SLC34A1: variants seen among roughly 807,000 people sequenced by gnomAD.
The protein encoded by SLC34A1 is solute carrier family 34 member 1.
Under a neutral mutation model 51.4 loss-of-function variants are expected in SLC34A1, and 57 were observed. The ratio of observed to expected loss-of-function variants is 1.11; its 90% CI spans 0.90 to 1.38. The LOEUF (loss-of-function observed/expected upper bound fraction) is 1.38, where lower values mean the gene tolerates loss of function less well. SLC34A1 is among the 40% of genes most tolerant of loss of function. The pLI, the probability that SLC34A1 is intolerant of heterozygous loss-of-function variation, is 0.00. For missense variants in SLC34A1, 796 were observed against 835.6 expected (o/e 0.95, Z 0.58); for synonymous variants, 368 against 358.0 (o/e 1.03, Z -0.32).
intron 12 of SLC34A1, 137 bp downstream of exon 12, chr5:177,397,211 T>C (rs1762999972): frequency 8.5e-7 from 1 of 1,183,264 alleles, no homozygotes; most frequent in Non-Finnish European, 1.2e-6. Context: ...ATGAAACCAT[T>C]ATGGGCAAAG....
At chr5:177,385,507 T>C (rs891069335) in intron 1 of SLC34A1, among the ~76,000 whole-genome samples, 188 bp from the exon 2 acceptor site, 2 of 150,706 alleles carry the variant, frequency 1.3e-5, no homozygotes, top group South Asian at 2.1e-4. Context: ...AGGGCTGTGG[T>C]GGTGATGATG....
At position 177,391,524 on chromosome 5, in the gene SLC34A1, C is replaced by T. The variant is rs150942144; in HGVS notation, c.937-2170C>T. ...GTCAGTGGGGCACACGTTGACCAGG[C>T]ACCTACTCATTCAAGGGGTTGTCTG... On this transcript the variant is annotated intron_variant, in intron 8 of 12. Transcript: ENST00000324417. 7.9e-5 allele frequency among the ~76,000 whole-genome samples: 12 copies of T among 152,326 alleles called. 1 individual carries two copies. The East Asian group carries it at 2.1e-3, about 27-fold the overall frequency.
rs760748843 is a variant in SLC34A1, at chr5:177,394,175, T to C, written c.1154T>C (p.Ile385Thr). The C allele has an allele frequency of 5.6e-6, 9 of 1,613,866 alleles. No individual in the cohort carries two copies. Among genetic ancestry groups the C allele is most frequent in the Non-Finnish European group, 7.6e-6 (9 of 1,180,024 alleles). The change falls in exon 10 of 13, where the codon ATC (isoleucine) becomes ACC (threonine). Residue 385 changes from isoleucine (I) to threonine (T), a missense_variant. Transcript: ENST00000324417. ...CTCAAGGGCCAAGTGGCCAAGGTCA[T>C]CCAGAAGGTCATCAATACGGGTGAG... ...SLLKGQVAKV[I>T]QKVINTDFPA...
At chr5:177,385,657 T>C (rs1312972226) in intron 1 of SLC34A1, 38 bp from the exon 2 acceptor site, 1 of 955,244 alleles carries the variant, frequency 1.0e-6, no homozygotes, top group Non-Finnish European at 1.7e-6. Context: ...TGAGGGTGTG[T>C]GGGCATGAGT....
intron 8 of SLC34A1, chr5:177,390,657 G>A (rs1762770558): frequency 6.6e-6 from 1 of 152,584 alleles, no homozygotes; most frequent in Non-Finnish European, 1.5e-5. Context: ...GCTCTAAGGA[G>A]AAGTTCTCCT....
At position 177,387,755 on chromosome 5, in the gene SLC34A1, C is replaced by T. The variant is rs1408314207; in HGVS notation, c.533-7C>T. On this transcript the variant is annotated splice_polypyrimidine_tract_variant and splice_region_variant and intron_variant, in intron 5 of 12. Coordinates refer to ENST00000324417, the MANE Select transcript of SLC34A1 (RefSeq NM_003052.5). Reference sequence around the variant, plus strand: ...CAAATTCATTAGGACGTCTTCTCTTCTACCAGTGCTGGAGGTGAGCTCTGC... The same window carrying T: ...CAAATTCATTAGGACGTCTTCTCTTTTACCAGTGCTGGAGGTGAGCTCTGC... 6.2e-7 allele frequency: 1 copy of T among 1,611,324 alleles called. No individual in the cohort carries two copies. The highest frequency in any genetic ancestry group is 1.7e-5 in the Admixed American group (1 of 60,022).
intron 9 of SLC34A1, 82 bp downstream of exon 9, chr5:177,393,845 T>C (rs1448290956): frequency 4.6e-6 from 7 of 1,514,308 alleles, no homozygotes; most frequent in Non-Finnish European, 6.4e-6. Context: ...ACAGCCACTA[T>C]TGTGTCCAGC....
At chr5:177,394,623 G>A (rs1030271623) in intron 10 of SLC34A1, among the ~76,000 whole-genome samples, 1 of 151,420 alleles carries the variant, frequency 6.6e-6, no homozygotes, top group Non-Finnish European at 1.5e-5. Flanking sequence ...TTGGGAGGCT[G>A]AAGCAGCAGG....
intron 8 of SLC34A1, chr5:177,390,301 G>A (rs899548181): frequency 3.7e-5 from 37 of 987,176 alleles, no homozygotes; most frequent in African/African-American, 5.2e-5. Flanking sequence ...CCCTGACACC[G>A]TCCTGGGAAT....
chr5:177,385,797 G>A lies in SLC34A1; in HGVS notation c.56G>A (p.Arg19His), dbSNP rs765766600. The A allele has an allele frequency of 1.2e-4, 200 of 1,613,218 alleles. No individual in the cohort carries two copies. The Middle Eastern group carries it at 2.3e-3, about 19-fold the overall frequency. The change falls in exon 2 of 13, where the codon CGT (arginine) becomes CAT (histidine). Residue 19 changes from arginine (R) to histidine (H), a missense_variant. Physicochemically the swap from Arg to His is conservative, Grantham distance 29. Transcript: ENST00000324417. ...GSPAVSPLPVRGGHVMRGTAF... is the reference protein window; with the variant it reads ...GSPAVSPLPVHGGHVMRGTAF... Reference sequence around the variant, plus strand: ...CCTGCTGTCTCCCCACTCCCAGTCCGTGGGGGGCATGTGATGCGAGGGACG... The same window carrying A: ...CCTGCTGTCTCCCCACTCCCAGTCCATGGGGGGCATGTGATGCGAGGGACG...
intron 8 of SLC34A1, chr5:177,390,285 C>T: frequency 1.0e-6 from 1 of 988,428 alleles, no homozygotes; most frequent in African/African-American, 1.7e-5. Flanking sequence ...CTTGAGTCTC[C>T]CGGGACCCTG....
intron 8 of SLC34A1, among the ~76,000 whole-genome samples, chr5:177,392,274 C>T (rs776376930): frequency 6.6e-6 from 1 of 152,132 alleles, no homozygotes; most frequent in Non-Finnish European, 1.5e-5. Context: ...TCAGCCTGGC[C>T]AACATGGCGA....
At position 177,386,627 on chromosome 5, in the gene SLC34A1, T is replaced by C; in HGVS notation, c.532+61T>C. Reference sequence around the variant, plus strand: ...GGGGCACCCCAGGAGCTGGGAAGGGTGGCAAATGGGGAGCGTGACCCCAGT... The same window carrying C: ...GGGGCACCCCAGGAGCTGGGAAGGGCGGCAAATGGGGAGCGTGACCCCAGT... On this transcript the variant is annotated intron_variant, in intron 5 of 12. Transcript: ENST00000324417. The surrounding 1 kb of genome is among the most constrained non-coding windows in gnomAD (Gnocchi z 4.8). The C allele has an allele frequency of 6.2e-7, 1 of 1,600,680 alleles. No homozygotes were observed. The highest frequency in any genetic ancestry group is 8.5e-7 in the Non-Finnish European group (1 of 1,172,312).
Position 177,394,236 on chromosome 5 carries a change from G to T in SLC34A1, c.1174+41G>T, listed in dbSNP as rs6556315. ...TTGACTGGGCAGGGCCACAGGATGG[G>T]CCTTTCCAGATCCTGCTAAGTCCTG... On this transcript the variant is annotated intron_variant, in intron 10 of 12. Transcript: ENST00000324417. 7,095 of 1,602,730 alleles carry T rather than the reference G, an allele frequency of 4.4e-3. 265 individuals are homozygous for T. In the African/African-American group the frequency reaches 0.085, roughly 19 times the overall value.
In SLC34A1 at chr5:177,396,434, G is replaced by GCTCTCCCAGTGCCCCCGCGGAGGTCCA. The variant is rs1762959240; in HGVS notation, c.1175-273_1175-272insACTCTCCCAGTGCCCCCGCGGAGGTCC. On this transcript the variant is annotated intron_variant, in intron 10 of 12. Coordinates refer to ENST00000324417, the MANE Select transcript of SLC34A1 (RefSeq NM_003052.5). The surrounding 1 kb of genome is among the most constrained non-coding windows in gnomAD (Gnocchi z 4.0). ...TCTCCCAGTGCCCCCGCGGAGATCC[G>GCTCTCCCAGTGCCCCCGCGGAGGTCCA]CTCTCCCAGTGCCCCCGCGGAGGTC... Among the ~76,000 whole-genome samples, 48 of 147,712 alleles carry GCTCTCCCAGTGCCCCCGCGGAGGTCCA rather than the reference G, an allele frequency of 3.2e-4. 1 individual carries two copies. The highest frequency in any genetic ancestry group is 1.1e-3 in the African/African-American group (45 of 39,968).
chr5:177,395,796 G>T (rs1762936766), intron 10 of SLC34A1, among the ~76,000 whole-genome samples: 1 of 152,178 alleles, frequency 6.6e-6, no homozygotes, highest in Non-Finnish European at 1.5e-5. Context: ...GCCACACTCA[G>T]CTAATTTTTG....
chr5:177,396,877 G>C lies in SLC34A1; in HGVS notation c.1291+28G>C, dbSNP rs1762987017. 1 of 1,614,036 alleles carries C rather than the reference G, an allele frequency of 6.2e-7. No homozygotes were observed. Among genetic ancestry groups the C allele is most frequent in the African/African-American group, 1.3e-5 (1 of 74,942 alleles). On this transcript the variant is annotated intron_variant, in intron 11 of 12. Transcript: ENST00000324417. This position sits in a 1 kb window ranked among gnomAD's most constrained non-coding sequence, Gnocchi z 4.0. Reference sequence around the variant, plus strand: ...GAGTGCCCATGTAGAGGTGGAGTGGGGTGGGCCAGGGCTGGCAGGGAAAGG... The same window carrying C: ...GAGTGCCCATGTAGAGGTGGAGTGGCGTGGGCCAGGGCTGGCAGGGAAAGG...
At position 177,393,297 on chromosome 5, in the gene SLC34A1, G is replaced by A. The variant is rs1481701036; in HGVS notation, c.937-397G>A. Among the ~76,000 whole-genome samples, 4 of 152,250 alleles carry A rather than the reference G, an allele frequency of 2.6e-5. No individual in the cohort carries two copies. The East Asian group carries it at 7.7e-4, about 29-fold the overall frequency. On this transcript the variant is annotated intron_variant, in intron 8 of 12. Coordinates refer to ENST00000324417, the MANE Select transcript of SLC34A1 (RefSeq NM_003052.5). Reference sequence around the variant, plus strand: ...AGGGTGTCTTGGAGGAGAGGAAGGAGCCAGGATGCTGGGGAAGGGGCACCG... The same window carrying A: ...AGGGTGTCTTGGAGGAGAGGAAGGAACCAGGATGCTGGGGAAGGGGCACCG...
chr5:177,392,574 A>T (rs985691234), intron 8 of SLC34A1, among the ~76,000 whole-genome samples: 1 of 152,222 alleles, frequency 6.6e-6, no homozygotes, highest in African/African-American at 2.4e-5. Flanking sequence ...ATTGTAAAAG[A>T]TAACTCAAAG....
Sources: gnomAD v4.1 joint callset for allele counts (sites outside exome capture counted in the v4.1 genomes callset) on GRCh38, gnomAD v4.1.1 for gene constraint, Gnocchi (gnomAD v3.1) non-coding constraint, MANE v1.5 for transcripts, NCBI Gene and HGNC (gene_info 2026-07-23, HGNC 2026-07-21) for gene names.